RIMS2: variants seen among roughly 807,000 people sequenced by gnomAD.
The protein encoded by RIMS2 is regulating synaptic membrane exocytosis 2.
In RIMS2, 59 loss-of-function variants were observed where a neutral mutation model predicts 174.4. The ratio of observed to expected loss-of-function variants is 0.34; its 90% CI spans 0.27 to 0.42. RIMS2 has a LOEUF of 0.42. Ranked by LOEUF, RIMS2 falls within the 10% of genes least tolerant of loss-of-function variation. The pLI, the probability that RIMS2 is intolerant of heterozygous loss-of-function variation, is 1.00. For missense variants in RIMS2, 1,620 were observed against 1,666.3 expected (o/e 0.97, Z 0.48); for synonymous variants, 606 against 572.5 (o/e 1.06, Z -0.84).
chr8:103,753,240 T>C (rs1221043890), intron 2 of RIMS2, among the ~76,000 whole-genome samples: 1 of 152,190 alleles, frequency 6.6e-6, no homozygotes, highest in Non-Finnish European at 1.5e-5. Context: ...ATTACATTTA[T>C]TGATTTGCGT....
intron 1 of RIMS2, among the ~76,000 whole-genome samples, chr8:103,613,588 C>A (rs1262677535): frequency 6.6e-6 from 1 of 152,154 alleles, no homozygotes; most frequent in Non-Finnish European, 1.5e-5. Context: ...GACATAGTTT[C>A]CTTTAGGTCT....
At chr8:103,781,736 ATCTT>A (rs1564609202) in intron 3 of RIMS2, among the ~76,000 whole-genome samples, 5 of 106,728 alleles carry the variant, frequency 4.7e-5, no homozygotes, top group Non-Finnish European at 9.2e-5. Context: ...ATCTCCCCTA[ATCTT>A]TTTTTTTTTT....
At chr8:103,548,516 T>C (rs907018411) in intron 1 of RIMS2, among the ~76,000 whole-genome samples, 1 of 151,028 alleles carries the variant, frequency 6.6e-6, no homozygotes, top group Admixed American at 6.6e-5. Context: ...AAGGAACATA[T>C]ATCAAAATAA....
chr8:103,958,931 G>A (rs1233642189), intron 14 of RIMS2, among the ~76,000 whole-genome samples: 1 of 152,132 alleles, frequency 6.6e-6, no homozygotes, highest in African/African-American at 2.4e-5. Context: ...GTCTCTGTGG[G>A]ACAGAAGGAT....
intron 1 of RIMS2, among the ~76,000 whole-genome samples, chr8:103,550,736 A>G (rs1469156254): frequency 6.6e-6 from 1 of 152,226 alleles, no homozygotes; most frequent in Non-Finnish European, 1.5e-5. Context: ...GAAAAGAGAG[A>G]AGTATCAAAT....
At chr8:103,612,708 G>C (rs1026527009) in intron 1 of RIMS2, among the ~76,000 whole-genome samples, 3 of 152,040 alleles carry the variant, frequency 2.0e-5, no homozygotes, top group Non-Finnish European at 4.4e-5. Flanking sequence ...CCTCTCAAGT[G>C]GCTGGGATTA....
At chr8:103,540,980 AAAC>A (rs1554613019) in intron 1 of RIMS2, among the ~76,000 whole-genome samples, 1 of 119,550 alleles carries the variant, frequency 8.4e-6, no homozygotes, top group Non-Finnish European at 2.1e-5. Context: ...AATAAAAAAG[AAAC>A]AAAAAAGAAC....
At chr8:104,224,958 CAT>C (rs770551298) in intron 19 of RIMS2, among the ~76,000 whole-genome samples, 56 of 152,170 alleles carry the variant, frequency 3.7e-4, no homozygotes, top group Non-Finnish European at 5.3e-4. Context: ...CCTATATAAA[CAT>C]GATTTAATTT....
At chr8:104,224,028 G>A (rs2099169913) in intron 19 of RIMS2, among the ~76,000 whole-genome samples, 1 of 152,230 alleles carries the variant, frequency 6.6e-6, no homozygotes, top group Admixed American at 6.5e-5. Flanking sequence ...TAGTGGAGTT[G>A]TATTACAAGT....
At chr8:103,518,927 T>G (rs923841709) in intron 1 of RIMS2, among the ~76,000 whole-genome samples, 1 of 152,156 alleles carries the variant, frequency 6.6e-6, no homozygotes, top group Non-Finnish European at 1.5e-5. Context: ...AAATGAAATT[T>G]AAATAATTAA....
chr8:104,152,978 C>T (rs180852270), intron 19 of RIMS2, among the ~76,000 whole-genome samples: 199 of 152,208 alleles, frequency 1.3e-3, no homozygotes, highest in Non-Finnish European at 1.5e-3. Context: ...AGACAACTTA[C>T]CTCCCTTCTG....
intron 14 of RIMS2, among the ~76,000 whole-genome samples, chr8:103,958,363 T>C (rs1484799570): frequency 1.3e-5 from 2 of 152,004 alleles, no homozygotes; most frequent in Admixed American, 1.3e-4. Flanking sequence ...AGAAAACTCA[T>C]GAACACAAGG....
chr8:103,880,577 A>G (rs1403271987), intron 3 of RIMS2: 3 of 434,736 alleles, frequency 6.9e-6, no homozygotes, highest in South Asian at 5.6e-5. Flanking sequence ...GATGGCTCCT[A>G]TGATTTTGCC....
At chr8:104,202,536 A>G (rs968681566) in intron 19 of RIMS2, among the ~76,000 whole-genome samples, 2 of 152,220 alleles carry the variant, frequency 1.3e-5, no homozygotes, top group African/African-American at 4.8e-5. Flanking sequence ...ATTTTCTCAT[A>G]GTTCTTGAGG....
At chr8:104,213,277 C>T (rs1244539056) in intron 19 of RIMS2, among the ~76,000 whole-genome samples, 1 of 152,154 alleles carries the variant, frequency 6.6e-6, no homozygotes, top group Admixed American at 6.5e-5. Flanking sequence ...TGCCCCTGCA[C>T]TCCAGCCTGT....
rs372977440 is a variant in RIMS2, at chr8:103,597,591, T to C, written c.176+96529T>C. Among the ~76,000 whole-genome samples, 9 of 152,302 alleles carry C rather than the reference T, an allele frequency of 5.9e-5. No individual in the cohort carries two copies. In the South Asian group the frequency reaches 1.9e-3, roughly 32 times the overall value. ...TCTCTGTTCAATGTTATACTTTCCT[T>C]CTGTCCCTAATAATTATCCCTCTCC... On this transcript the variant is annotated intron_variant, in intron 1 of 23. Coordinates refer to ENST00000504942, the Ensembl canonical transcript of RIMS2.
At chr8:104,249,198 G>T (rs1389713103) in intron 21 of RIMS2, among the ~76,000 whole-genome samples, 1 of 151,810 alleles carries the variant, frequency 6.6e-6, no homozygotes, top group Non-Finnish European at 1.5e-5. Context: ...CTCCCAAAGT[G>T]CTGGGATTAC....
At chr8:104,088,039 C>G (rs1202156697) in intron 19 of RIMS2, among the ~76,000 whole-genome samples, 1 of 152,092 alleles carries the variant, frequency 6.6e-6, no homozygotes, top group East Asian at 1.9e-4. Context: ...ACCATTATCA[C>G]ATAATACCCT....
At chr8:103,983,599 C>T (rs1460220881) in intron 16 of RIMS2, among the ~76,000 whole-genome samples, 1 of 152,126 alleles carries the variant, frequency 6.6e-6, no homozygotes, top group South Asian at 2.1e-4. Context: ...ATCCATACAC[C>T]TACAGTGAAC....
Sources: gnomAD v4.1 joint callset for allele counts (sites outside exome capture counted in the v4.1 genomes callset) on GRCh38, gnomAD v4.1.1 for gene constraint, MANE v1.5 for transcripts, NCBI Gene and HGNC (gene_info 2026-07-23, HGNC 2026-07-21) for gene names.